The following TCERG1L variants were observed in gnomAD, a reference collection of about 807,000 sequenced individuals.
TCERG1L encodes the protein transcription elongation regulator 1-like protein.
Under a neutral mutation model 56.3 loss-of-function variants are expected in TCERG1L, and 37 were observed. The observed-to-expected ratio is 0.66, with a 90% CI of 0.51 to 0.87. The LOEUF (loss-of-function observed/expected upper bound fraction) is 0.87. Among genes scored for constraint, TCERG1L ranks in the 40% least tolerant of loss-of-function variants. The pLI, the probability that TCERG1L is intolerant of heterozygous loss-of-function variation, is 0.00. For missense variants in TCERG1L, 799 were observed against 774.2 expected (o/e 1.03, Z -0.38); for synonymous variants, 324 against 326.3 (o/e 0.99, Z 0.08).
intron 4 of TCERG1L, among the ~76,000 whole-genome samples, chr10:131,244,711 G>A (rs1846013261): frequency 6.6e-6 from 1 of 152,166 alleles, no homozygotes; most frequent in Non-Finnish European, 1.5e-5. Context: ...GGCTTCCAGA[G>A]CTCAAAGCCA....
In TCERG1L at chr10:131,114,070, C is replaced by T. The variant is rs1412403312; in HGVS notation, c.1395+2729G>A. On this transcript the variant is annotated intron_variant, in intron 9 of 11. Transcript: ENST00000368642. ...CCACAAAACCACAAAACCTTCATCC[C>T]GCTGCCCCAGGGCACAATCCCCGTG... is the stretch of plus-strand genomic sequence containing the variant. 4.2e-5 allele frequency among the ~76,000 whole-genome samples: 6 copies of T among 142,222 alleles called. 2 individuals are homozygous for T. The highest frequency in any genetic ancestry group is 9.5e-5 in the Non-Finnish European group (6 of 63,354). 93.3% of individuals were successfully genotyped at this position (142,222 alleles called of 152,430 possible).
chr10:131,219,496 C>T lies in TCERG1L; in HGVS notation c.856+40763G>A, dbSNP rs75900211. Among the ~76,000 whole-genome samples, 575 of 152,298 alleles carry T rather than the reference C, an allele frequency of 3.8e-3. 1 individual carries two copies. The highest frequency in any genetic ancestry group is 7.7e-3 in the African/African-American group (320 of 41,576). On this transcript the variant is annotated intron_variant, in intron 4 of 11. Coordinates refer to ENST00000368642, the MANE Select transcript of TCERG1L (RefSeq NM_174937.4). ...CTTACCCCTGTGGAGCCTAGCACAT[C>T]GCTGGGCTCAATACATACTTGCAGG...
At chr10:131,123,204 C>CCAGGCT (rs1261310887) in intron 8 of TCERG1L, among the ~76,000 whole-genome samples, 1 of 152,198 alleles carries the variant, frequency 6.6e-6, no homozygotes, top group East Asian at 1.9e-4. Context: ...CCTGCCCTCA[C>CCAGGCT]CAGGCTCACA....
In TCERG1L at chr10:131,093,398, G is replaced by A. The variant is rs567493929; in HGVS notation, c.1605-80C>T. 468 of 1,530,976 alleles carry A rather than the reference G, an allele frequency of 3.1e-4. 2 individuals carry two copies. In the African/African-American group the frequency reaches 6.0e-3, roughly 20 times the overall value. The allele number at this position is 1,530,976 out of a possible 1,614,324, so 94.8% of individuals were successfully genotyped here. A position where few individuals can be genotyped will look rare whatever the true frequency, so the allele number is the denominator to read the frequency against. On this transcript the variant is annotated intron_variant, in intron 11 of 11. Transcript: ENST00000368642. ...CAGAGATCCTGCAGCGGCACCGCCT[G>A]AGCAAGCATCCAGCCCTTCCACCAG...
intron 4 of TCERG1L, among the ~76,000 whole-genome samples, chr10:131,222,745 G>A (rs1845747672): frequency 6.6e-6 from 1 of 152,144 alleles, no homozygotes; most frequent in East Asian, 1.9e-4. Context: ...TGCCTGTCTG[G>A]CCCCTTCCTG....
chr10:131,231,759 G>A (rs1017281934), intron 4 of TCERG1L, among the ~76,000 whole-genome samples: 1 of 152,128 alleles, frequency 6.6e-6, no homozygotes, highest in East Asian at 1.9e-4. Context: ...AATAAAATAC[G>A]ATTTTACTTC....
intron 10 of TCERG1L, 105 bp from the exon 11 acceptor site, chr10:131,098,529 A>C: frequency 7.1e-7 from 1 of 1,400,586 alleles, no homozygotes; most frequent in South Asian, 1.5e-5. Context: ...CTATGGCAAA[A>C]GCTGTTCTTG....
At chr10:131,285,164 A>G (rs1460051284) in intron 3 of TCERG1L, among the ~76,000 whole-genome samples, 2 of 151,954 alleles carry the variant, frequency 1.3e-5, no homozygotes, top group Non-Finnish European at 2.9e-5. Flanking sequence ...GATCACTTGA[A>G]GTTAGGAGTT....
In TCERG1L at chr10:131,172,923, C is replaced by G. The variant is rs536622040; in HGVS notation, c.857-6038G>C. On this transcript the variant is annotated intron_variant, in intron 4 of 11. Coordinates refer to ENST00000368642, the MANE Select transcript of TCERG1L (RefSeq NM_174937.4). ...TTTTTTTTTGAGATGGAGTTTTGCT[C>G]TTGTCATCCAGGCTTGGAGTACAAT... Among the ~76,000 whole-genome samples, 95 of 139,180 alleles carry G rather than the reference C, an allele frequency of 6.8e-4. 1 individual carries two copies. The highest frequency in any genetic ancestry group is 2.6e-3 in the African/African-American group (94 of 36,524). The allele number at this position is 139,180 out of a possible 152,430, so 91.3% of individuals were successfully genotyped here.
At chr10:131,203,721 C>T (rs1423966211) in intron 4 of TCERG1L, among the ~76,000 whole-genome samples, 1 of 152,146 alleles carries the variant, frequency 6.6e-6, no homozygotes, top group East Asian at 1.9e-4. Context: ...GGAAGGCACT[C>T]TCCTAACTGC....
At chr10:131,173,802 C>T (rs746655029) in intron 4 of TCERG1L, among the ~76,000 whole-genome samples, 1 of 152,176 alleles carries the variant, frequency 6.6e-6, no homozygotes, top group Non-Finnish European at 1.5e-5. Context: ...CCAGGGCCTG[C>T]CCCTCTACAC....
At chr10:131,134,214 G>T (rs961923584) in intron 8 of TCERG1L, among the ~76,000 whole-genome samples, 165 bp downstream of exon 8, 1 of 152,156 alleles carries the variant, frequency 6.6e-6, no homozygotes, top group Non-Finnish European at 1.5e-5. Flanking sequence ...TTCGGCAGGT[G>T]CCCAGGACAC....
At chr10:131,268,978 T>G (rs1846311212) in intron 3 of TCERG1L, among the ~76,000 whole-genome samples, 1 of 152,234 alleles carries the variant, frequency 6.6e-6, no homozygotes. Flanking sequence ...ACTTTTGATT[T>G]CCTTCAAAAA....
intron 3 of TCERG1L, among the ~76,000 whole-genome samples, chr10:131,272,598 C>T (rs1229742281): frequency 2.0e-5 from 3 of 152,186 alleles, no homozygotes; most frequent in Non-Finnish European, 4.4e-5. Context: ...GACCCCAGTG[C>T]TCAGGAAGTG....
intron 4 of TCERG1L, among the ~76,000 whole-genome samples, chr10:131,238,329 G>T (rs1203567457): frequency 6.6e-6 from 1 of 152,194 alleles, no homozygotes; most frequent in Non-Finnish European, 1.5e-5. Context: ...AAGATATGAA[G>T]CTTCCTCCAA....
chr10:131,284,756 C>G (rs1846500437), intron 3 of TCERG1L, among the ~76,000 whole-genome samples: 1 of 151,976 alleles, frequency 6.6e-6, no homozygotes, highest in South Asian at 2.1e-4. Flanking sequence ...ACAGAACAAT[C>G]TCATACCAAA....
At chr10:131,214,785 C>A (rs949883743) in intron 4 of TCERG1L, among the ~76,000 whole-genome samples, 1 of 152,242 alleles carries the variant, frequency 6.6e-6, no homozygotes, top group Admixed American at 6.5e-5. Context: ...GTCACACCTA[C>A]TGACCATGTG....
At chr10:131,163,444 G>C (rs1465033871) in intron 5 of TCERG1L, among the ~76,000 whole-genome samples, 1 of 152,176 alleles carries the variant, frequency 6.6e-6, no homozygotes, top group Non-Finnish European at 1.5e-5. Flanking sequence ...ATTGTCCCCA[G>C]TTGTCTAAGC....
At chr10:131,125,658 C>T (rs957331502) in intron 8 of TCERG1L, among the ~76,000 whole-genome samples, 8 of 152,290 alleles carry the variant, frequency 5.3e-5, no homozygotes, top group African/African-American at 1.9e-4. Flanking sequence ...GGCTGCAGGC[C>T]CCTGGGTGAG....
Sources: gnomAD v4.1 joint callset for allele counts (sites outside exome capture counted in the v4.1 genomes callset) on GRCh38, gnomAD v4.1.1 for gene constraint, MANE v1.5 for transcripts, NCBI Gene and HGNC (gene_info 2026-07-23, HGNC 2026-07-21) for gene names.